The following TMEM192 variants were observed in gnomAD, a reference collection of about 807,000 sequenced individuals.
The protein encoded by TMEM192 is transmembrane protein 192.
Under a neutral mutation model 26.7 loss-of-function variants are expected in TMEM192, and 20 were observed. That is an observed-to-expected ratio of 0.75 (90% confidence interval 0.53 to 1.09). The LOEUF is 1.09. TMEM192 is among the 50% of genes least tolerant of loss of function. The probability of loss-of-function intolerance (pLI) is 0.00; values close to 1 mark genes in which losing one functional copy is unlikely to be tolerated. For missense variants in TMEM192, 304 were observed against 322.6 expected, an observed-to-expected ratio of 0.94 and a Z score of 0.44; for synonymous variants, 124 against 121.0, an observed-to-expected ratio of 1.02 and a Z score of -0.16.
intron 5 of TMEM192, among the ~76,000 whole-genome samples, chr4:165,085,045 C>T (rs1054847368): frequency 6.6e-6 from 1 of 151,576 alleles, no homozygotes; most frequent in Non-Finnish European, 1.5e-5. Context: ...GAGGCTGAGG[C>T]GGGCGGATCA....
rs562888645 is a variant in TMEM192, at chr4:165,096,940, T to C, written c.439+3688A>G. The stretch of plus-strand genomic sequence containing the variant: ...GTCACAGATCATATAAGATCTTTTG[T>C]AGTTTAAAATTAAGTTTTTTCTTTT... On this transcript the variant is annotated intron_variant, in intron 3 of 5. Coordinates refer to ENST00000306480, the MANE Select transcript of TMEM192 (RefSeq NM_001100389.2). Among the ~76,000 whole-genome samples the C allele has an allele frequency of 1.0e-4, 14 of 135,872 alleles. No homozygotes were observed. In the East Asian group the frequency reaches 3.1e-3, roughly 30 times the overall value. The allele number at this position is 135,872 out of a possible 152,430, so 89.1% of individuals were successfully genotyped here.
chr4:165,096,463 G>A (rs954407061), intron 3 of TMEM192, among the ~76,000 whole-genome samples: 2 of 151,528 alleles, frequency 1.3e-5, no homozygotes, highest in Non-Finnish European at 2.9e-5. Context: ...GATTAATCAG[G>A]TAAATATTTT....
chr4:165,085,093 G>A, intron 5 of TMEM192, among the ~76,000 whole-genome samples: 1 of 152,028 alleles, frequency 6.6e-6, no homozygotes, highest in East Asian at 1.9e-4. Context: ...TGACCAACAT[G>A]GAGAAACCCC....
At chr4:165,084,994 GC>G (rs1488581481) in intron 5 of TMEM192, among the ~76,000 whole-genome samples, 1 of 151,162 alleles carries the variant, frequency 6.6e-6, no homozygotes, top group African/African-American at 2.4e-5. Context: ...AAAATAACAG[GC>G]CGGGCGAGGT....
chr4:165,093,613 T>G (rs4285049), intron 3 of TMEM192, among the ~76,000 whole-genome samples: 7 of 151,750 alleles, frequency 4.6e-5, no homozygotes, highest in Non-Finnish European at 7.4e-5. Context: ...AAGACCACCC[T>G]GTACAATATC....
At chr4:165,084,401 G>A (rs1734562104) in intron 5 of TMEM192, among the ~76,000 whole-genome samples, 1 of 150,994 alleles carries the variant, frequency 6.6e-6, no homozygotes, top group Non-Finnish European at 1.5e-5. Flanking sequence ...GTTTCATCAT[G>A]TTGGCCAGGC....
chr4:165,087,010 A>C (rs1201165721), intron 4 of TMEM192, among the ~76,000 whole-genome samples: 1 of 152,088 alleles, frequency 6.6e-6, no homozygotes, highest in Non-Finnish European at 1.5e-5. Context: ...GCCACTCAGG[A>C]GGCTGAGGCA....
At chr4:165,095,026 T>C (rs1036243306) in intron 3 of TMEM192, among the ~76,000 whole-genome samples, 3 of 152,008 alleles carry the variant, frequency 2.0e-5, no homozygotes, top group African/African-American at 4.8e-5. Context: ...TTAAGAATAT[T>C]TGGAAGAAAT....
chr4:165,105,205 C>T (rs567795054), intron 1 of TMEM192, among the ~76,000 whole-genome samples: 80 of 152,332 alleles, frequency 5.3e-4, no homozygotes, highest in Admixed American at 2.4e-3. Flanking sequence ...AATCCCAGCA[C>T]TCAACACTAT....
At chr4:165,084,511 A>G (rs1292948382) in intron 5 of TMEM192, among the ~76,000 whole-genome samples, 1 of 151,614 alleles carries the variant, frequency 6.6e-6, no homozygotes, top group Non-Finnish European at 1.5e-5. Flanking sequence ...CACTTTCTTT[A>G]TATATACTGA....
At chr4:165,100,991 T>TTC (rs1735027262) in intron 2 of TMEM192, 99 bp from the exon 3 acceptor site, 1 of 1,230,344 alleles carries the variant, frequency 8.1e-7, no homozygotes. Flanking sequence ...TTTTTTTTTT[T>TTC]TCTGAGACAG....
At chr4:165,100,255 G>A (rs538827370) in intron 3 of TMEM192, among the ~76,000 whole-genome samples, 17 of 151,366 alleles carry the variant, frequency 1.1e-4, no homozygotes, top group Admixed American at 3.3e-4. Flanking sequence ...TGACTCCCTG[G>A]TTCAAGCAAT....
chr4:165,108,754 G>T (rs577101455), intron 1 of TMEM192, among the ~76,000 whole-genome samples: 21 of 152,230 alleles, frequency 1.4e-4, no homozygotes, highest in African/African-American at 5.1e-4. Context: ...GGGCCAGGGG[G>T]CTCCCCGTGC....
chr4:165,086,954 A>C (rs569849271), intron 4 of TMEM192, among the ~76,000 whole-genome samples: 1 of 152,150 alleles, frequency 6.6e-6, no homozygotes, highest in Non-Finnish European at 1.5e-5. Context: ...TCTTTACTAA[A>C]AACACAAAAA....
rs1338746704 is a variant in TMEM192 at position 165,083,864 on chromosome 4, C to T, written c.677+1722G>A. Among the ~76,000 whole-genome samples, 9 of 55,900 alleles carry T rather than the reference C, an allele frequency of 1.6e-4. 3 individuals are homozygous for T. The highest frequency in any genetic ancestry group is 3.6e-4 in the African/African-American group (9 of 25,134). The allele number at this position is 55,900 out of a possible 152,430, so 36.7% of individuals were successfully genotyped here. On this transcript the variant is annotated intron_variant, in intron 5 of 5. Transcript: ENST00000306480. Reference sequence around the variant, plus strand: ...CGAGACAGAGTCTTGCTCTGTTATCCAGGCTGGAGTGCAGTGGCGCAATCT... The same window carrying T: ...CGAGACAGAGTCTTGCTCTGTTATCTAGGCTGGAGTGCAGTGGCGCAATCT...
chr4:165,100,784 C>A lies in TMEM192; in HGVS notation c.283G>T (p.Val95Phe), dbSNP rs1353495563. The A allele has an allele frequency of 2.5e-6, 4 of 1,613,940 alleles. No homozygotes were observed. Among genetic ancestry groups the A allele is most frequent in the Non-Finnish European group, 3.4e-6 (4 of 1,180,024 alleles). ...AAAATAACTTTCCCAAGGATTATAA[C>A]CGTCTGAACTTTCAATGGGTTTGTG... ...NYTNPLKVQT[V>F]IILGKVILWI... The change falls in exon 3 of 6, where the codon GTT becomes TTT. Residue 95 changes from valine to phenylalanine, a missense_variant. Transcript: ENST00000306480.
Position 165,079,711 on chromosome 4 carries a change from G to A in TMEM192, c.763C>T (p.Arg255Ter), listed in dbSNP as rs763829640. The A allele has an allele frequency of 1.3e-5, 21 of 1,613,608 alleles. No individual in the cohort carries two copies. The highest frequency in any genetic ancestry group is 6.7e-5 in the East Asian group (3 of 44,862). Reference sequence around the variant, plus strand: ...TCTGAGGAAGTGAGAGCCAACAATCGCTTACTCAGCAGCGCATTGTGTCGC... The same window carrying A: ...TCTGAGGAAGTGAGAGCCAACAATCACTTACTCAGCAGCGCATTGTGTCGC... The part of the protein sequence containing the change: ...LKRHNALLSK[R>*]LLALTSSDLG... The change falls in exon 6 of 6, where the codon CGA becomes TGA. Residue 255 changes from arginine to a stop codon, truncating the protein, a stop_gained. Coordinates refer to ENST00000306480, the MANE Select transcript of TMEM192 (RefSeq NM_001100389.2). LOFTEE classifies it low-confidence loss of function (END_TRUNC).
At chr4:165,100,971 CT>C (rs71602569) in intron 2 of TMEM192, 79 bp from the exon 3 acceptor site, 124,126 of 761,388 alleles carry the variant, frequency 0.16, 19 homozygotes, top group East Asian at 0.2. Context: ...AGCATACATT[CT>C]TTTTTTTTTT....
chr4:165,088,385 G>T, intron 4 of TMEM192, 83 bp downstream of exon 4: 2 of 1,394,162 alleles, frequency 1.4e-6, no homozygotes, highest in East Asian at 2.4e-5. Flanking sequence ...GAACTTCCTT[G>T]TCGCTAATGG....
Sources: allele counts gnomAD v4.1 joint callset (sites outside exome capture counted in the v4.1 genomes callset), GRCh38; gene constraint gnomAD v4.1.1; transcripts MANE v1.5; gene names NCBI Gene and HGNC (gene_info 2026-07-23, HGNC 2026-07-21).